Variants in ASIC2 observed in about 807,000 individuals in gnomAD.
ASIC2 encodes the protein acid sensing ion channel subunit 2.
Under a neutral mutation model 57.3 loss-of-function variants are expected in ASIC2, and 25 were observed. That is an observed-to-expected ratio of 0.44 (90% CI 0.32 to 0.61). ASIC2 has a LOEUF of 0.61. ASIC2 is among the 20% of genes least tolerant of loss of function. The pLI, the probability that ASIC2 is intolerant of heterozygous loss-of-function variation, is 0.06. For missense variants in ASIC2, 641 were observed against 738.1 expected, an observed-to-expected ratio of 0.87 and a Z score of 1.52; for synonymous variants, 319 against 307.5, an observed-to-expected ratio of 1.04 and a Z score of -0.39.
chr17:34,040,008 C>G (rs959475350), intron 1 of ASIC2: 10 of 564,484 alleles, frequency 1.8e-5, no homozygotes, highest in Non-Finnish European at 2.5e-5. Context: ...GCGCCGCAAC[C>G]CCCCGCCCGG....
chr17:33,509,922 C>T (rs1263014725), intron 1 of ASIC2, among the ~76,000 whole-genome samples: 4 of 152,288 alleles, frequency 2.6e-5, no homozygotes, highest in African/African-American at 9.6e-5. Context: ...TTTCAGAGTC[C>T]TACTGTGTAA....
intron 1 of ASIC2, among the ~76,000 whole-genome samples, chr17:33,211,283 G>A (rs936678307): frequency 6.6e-6 from 1 of 152,112 alleles, no homozygotes; most frequent in Non-Finnish European, 1.5e-5. Context: ...GCTCAGGTGA[G>A]CTGTGCTCAC....
In ASIC2 at chr17:33,025,796, C is replaced by A. The variant is rs976870255; in HGVS notation, c.1195+130G>T. 3 of 882,656 alleles carry A rather than the reference C, an allele frequency of 3.4e-6. No homozygotes were observed. The South Asian group carries it at 6.3e-5, about 19-fold the overall frequency. The allele number at this position is 882,656 out of a possible 1,614,324, so 54.7% of individuals were successfully genotyped here. On this transcript the variant is annotated intron_variant, in intron 5 of 9. Transcript: ENST00000225823. ...CCATCCCTGCAGCAACTCCACCCGA[C>A]CAGCCCCTTTCTTCTCATCCTCTCT...
intron 1 of ASIC2, among the ~76,000 whole-genome samples, chr17:33,546,863 G>A (rs759468868): frequency 6.6e-6 from 1 of 152,186 alleles, no homozygotes; most frequent in Non-Finnish European, 1.5e-5. Context: ...ACATGGCCAG[G>A]TGACTGGTTC....
intron 1 of ASIC2, among the ~76,000 whole-genome samples, chr17:34,115,783 A>G (rs912515943): frequency 1.3e-5 from 2 of 152,202 alleles, no homozygotes; most frequent in Admixed American, 6.5e-5. Flanking sequence ...TGAAAACACC[A>G]TATTTCAGCT....
intron 1 of ASIC2, among the ~76,000 whole-genome samples, chr17:33,753,444 A>G (rs540343938): frequency 2.6e-5 from 4 of 152,360 alleles, no homozygotes; most frequent in African/African-American, 7.2e-5. Context: ...ACAAAGAATG[A>G]ACCCTAATGT....
intron 1 of ASIC2, among the ~76,000 whole-genome samples, chr17:33,670,766 G>A (rs1297039656): frequency 1.3e-5 from 2 of 152,246 alleles, no homozygotes; most frequent in African/African-American, 4.8e-5. Flanking sequence ...TGGGTACACA[G>A]GCTCCAGGAT....
chr17:33,109,811 T>A (rs559526651), intron 2 of ASIC2, among the ~76,000 whole-genome samples: 8 of 152,322 alleles, frequency 5.3e-5, no homozygotes, highest in South Asian at 2.1e-4. Context: ...CTGCATGACT[T>A]CAAAGACATC....
intron 1 of ASIC2, among the ~76,000 whole-genome samples, chr17:33,313,038 T>A (rs1245918186): frequency 6.6e-6 from 1 of 152,200 alleles, no homozygotes; most frequent in African/African-American, 2.4e-5. Context: ...CTGGTTGCAG[T>A]GCCTCACACC....
chr17:33,855,729 G>T (rs1039827047), intron 1 of ASIC2, among the ~76,000 whole-genome samples: 3 of 152,118 alleles, frequency 2.0e-5, no homozygotes, highest in Non-Finnish European at 4.4e-5. Flanking sequence ...GCATTCTGAG[G>T]ATTGTGCTCC....
intron 1 of ASIC2, among the ~76,000 whole-genome samples, chr17:33,478,000 T>C (rs113816027): frequency 6.1e-4 from 93 of 152,232 alleles, no homozygotes; most frequent in African/African-American, 2.0e-3. Context: ...TGCAGGTAAC[T>C]TTGTGATTTA....
chr17:34,151,724 G>A (rs59377359), intron 1 of ASIC2, among the ~76,000 whole-genome samples: 4,512 of 152,274 alleles, frequency 0.03, 232 homozygotes, highest in African/African-American at 0.1. Context: ...GTATGGAATA[G>A]TGAGCAAACC....
intron 1 of ASIC2, among the ~76,000 whole-genome samples, chr17:33,520,903 G>C (rs570251928): frequency 6.6e-6 from 1 of 152,268 alleles, no homozygotes; most frequent in East Asian, 1.9e-4. Context: ...AGCAGGCTAG[G>C]GGATGCTTGC....
At chr17:33,441,558 A>T (rs1265928913) in intron 1 of ASIC2, among the ~76,000 whole-genome samples, 1 of 152,160 alleles carries the variant, frequency 6.6e-6, no homozygotes, top group African/African-American at 2.4e-5. Flanking sequence ...AAAATATGAC[A>T]CCATGAACAT....
chr17:33,029,092 T>C (rs2091870523), intron 3 of ASIC2, among the ~76,000 whole-genome samples: 1 of 152,206 alleles, frequency 6.6e-6, no homozygotes, highest in African/African-American at 2.4e-5. Context: ...TTGTTGAGCA[T>C]TTTCTAGGTG....
chr17:33,759,087 C>T (rs1390471786), intron 1 of ASIC2, among the ~76,000 whole-genome samples: 1 of 152,120 alleles, frequency 6.6e-6, no homozygotes, highest in Admixed American at 6.5e-5. Flanking sequence ...TTTGGAACTC[C>T]TCGGAGATTT....
intron 1 of ASIC2, chr17:34,071,701 GC>G (rs1909411207): frequency 6.6e-6 from 1 of 152,130 alleles, no homozygotes; most frequent in Admixed American, 6.5e-5. Context: ...ATGGTGGTGT[GC>G]ACCTGTAATC....
chr17:33,879,657 G>A (rs28827531), intron 1 of ASIC2, among the ~76,000 whole-genome samples: 21,320 of 152,100 alleles, frequency 0.14, 1,516 homozygotes, highest in South Asian at 0.21. Flanking sequence ...ATAATAATGG[G>A]AGACTTTAAC....
chr17:34,150,888 G>A (rs1224024473), intron 1 of ASIC2, among the ~76,000 whole-genome samples: 1 of 152,144 alleles, frequency 6.6e-6, no homozygotes, highest in Non-Finnish European at 1.5e-5. Context: ...GCCAAGGTGG[G>A]CAGATCACAA....
Sources: gnomAD v4.1 joint callset for allele counts (sites outside exome capture counted in the v4.1 genomes callset) on GRCh38, gnomAD v4.1.1 for gene constraint, MANE v1.5 for transcripts, NCBI Gene and HGNC (gene_info 2026-07-23, HGNC 2026-07-21) for gene names.